The following CNTN5 variants were observed in gnomAD, a reference collection of about 807,000 sequenced individuals.
The protein encoded by CNTN5 is contactin 5.
CNTN5 carries 77 observed loss-of-function variants against 129.1 expected under a neutral mutation model. That is an observed-to-expected ratio of 0.60 (90% CI 0.50 to 0.72). CNTN5 has a LOEUF of 0.72. Ranked by LOEUF, CNTN5 falls within the 30% of genes least tolerant of loss-of-function variation. The pLI is 0.00. For missense variants in CNTN5, 1,478 were observed against 1,328.8 expected (o/e 1.11, Z -1.75); for synonymous variants, 509 against 465.6 (o/e 1.09, Z -1.20).
At chr11:99,872,953 A>G (rs1948540598) in intron 6 of CNTN5, among the ~76,000 whole-genome samples, 1 of 152,148 alleles carries the variant, frequency 6.6e-6, no homozygotes, top group African/African-American at 2.4e-5. Context: ...TGTGGCTGAG[A>G]CTAATAACAT....
chr11:100,323,148 G>A (rs1467380593), intron 21 of CNTN5, among the ~76,000 whole-genome samples: 3 of 152,134 alleles, frequency 2.0e-5, no homozygotes, highest in Non-Finnish European at 4.4e-5. Context: ...CATACCTAAT[G>A]TAACTCTGTC....
At chr11:99,298,889 C>T (rs959988574) in intron 1 of CNTN5, among the ~76,000 whole-genome samples, 13 of 152,220 alleles carry the variant, frequency 8.5e-5, no homozygotes, top group Non-Finnish European at 1.8e-4. Flanking sequence ...ACATTCCAAC[C>T]CTGCAATAAA....
Position 99,689,395 on chromosome 11 carries a change from T to C in CNTN5, c.56-130149T>C, listed in dbSNP as rs188046456. 6.0e-3 allele frequency among the ~76,000 whole-genome samples: 916 copies of C among 151,664 alleles called. 24 individuals carry two copies. The East Asian group carries it at 0.094, about 16-fold the overall frequency. ...ACAAAAAATTAGCTGGGCGTGGTGG[T>C]GGGCGCCTGTAGTCCCAGCTGCTTG... On this transcript the variant is annotated intron_variant, in intron 3 of 24. Coordinates refer to ENST00000524871, the MANE Select transcript of CNTN5 (RefSeq NM_014361.4).
At chr11:99,545,965 C>T (rs1948278333) in intron 2 of CNTN5, among the ~76,000 whole-genome samples, 1 of 151,618 alleles carries the variant, frequency 6.6e-6, no homozygotes, top group African/African-American at 2.4e-5. Flanking sequence ...CTCTTAAATT[C>T]TTCAACAACT....
chr11:99,979,479 C>G (rs1359747902), intron 8 of CNTN5, among the ~76,000 whole-genome samples: 2 of 152,142 alleles, frequency 1.3e-5, no homozygotes, highest in Non-Finnish European at 2.9e-5. Flanking sequence ...AGAAGTAGAA[C>G]ATCCCCAAAC....
At chr11:100,291,227 A>G (rs1040803799) in intron 18 of CNTN5, among the ~76,000 whole-genome samples, 6 of 151,034 alleles carry the variant, frequency 4.0e-5, no homozygotes, top group African/African-American at 1.2e-4. Context: ...AGAACTAGAA[A>G]TACCATTTGA....
chr11:99,727,294 C>CAGAGCG (rs1231703755), intron 3 of CNTN5, among the ~76,000 whole-genome samples: 130 of 50,286 alleles, frequency 2.6e-3, no homozygotes, highest in African/African-American at 8.6e-3. Context: ...GCCTGGGCGA[C>CAGAGCG]AGAGCGAGAC....
At chr11:99,731,440 A>C (rs2060457474) in intron 3 of CNTN5, among the ~76,000 whole-genome samples, 1 of 152,200 alleles carries the variant, frequency 6.6e-6, no homozygotes, top group South Asian at 2.1e-4. Flanking sequence ...GTTAGAAGTC[A>C]AGTGCTATTC....
intron 3 of CNTN5, among the ~76,000 whole-genome samples, chr11:99,803,505 T>G (rs78128705): frequency 0.015 from 2,346 of 152,330 alleles, 29 homozygotes; most frequent in Non-Finnish European, 0.024. Context: ...TTACTGACTT[T>G]GTATGTGCCC....
At chr11:99,521,233 C>A (rs1448530524) in intron 2 of CNTN5, among the ~76,000 whole-genome samples, 1 of 152,100 alleles carries the variant, frequency 6.6e-6, no homozygotes, top group African/African-American at 2.4e-5. Flanking sequence ...AAAGATGTGG[C>A]TGAAGGTTGA....
At chr11:99,896,173 C>G (rs1949200471) in intron 6 of CNTN5, among the ~76,000 whole-genome samples, 1 of 152,148 alleles carries the variant, frequency 6.6e-6, no homozygotes, top group African/African-American at 2.4e-5. Flanking sequence ...GTATGGATGT[C>G]ATAGCTGACA....
rs202136709 is a variant in CNTN5 at position 99,975,168 on chromosome 11, G to GT, written c.877+18169dup. ...GAAATTTAGAGGCAAAGGAGGAAAA[G>GT]TTTTTTTTTTACAAAAAACATAAGA... On this transcript the variant is annotated intron_variant, in intron 8 of 24. Transcript: ENST00000524871. Among the ~76,000 whole-genome samples, 664 of 149,516 alleles carry GT rather than the reference G, an allele frequency of 4.4e-3. 1 individual carries two copies. The highest frequency in any genetic ancestry group is 7.1e-3 in the Non-Finnish European group (475 of 67,088).
intron 3 of CNTN5, among the ~76,000 whole-genome samples, chr11:99,683,011 A>T (rs1953627510): frequency 6.6e-6 from 1 of 151,910 alleles, no homozygotes; most frequent in East Asian, 1.9e-4. Context: ...TATTCTGTTG[A>T]ATTGTCTTAT....
intron 3 of CNTN5, among the ~76,000 whole-genome samples, chr11:99,687,863 G>GA (rs1196203513): frequency 2.0e-5 from 3 of 152,300 alleles, no homozygotes; most frequent in African/African-American, 7.2e-5. Flanking sequence ...CCTGTGACAT[G>GA]ATAGGAATCA....
At chr11:100,004,108 A>T (rs11605832) in intron 9 of CNTN5, 2 of 152,020 alleles carry the variant, frequency 1.3e-5, no homozygotes, top group South Asian at 2.1e-4. Flanking sequence ...CCCACAGCTC[A>T]CTTGAGCTGC....
Position 99,492,174 on chromosome 11 carries a change from G to A in CNTN5, c.-70-63971G>A, listed in dbSNP as rs141884237. 3.4e-3 allele frequency among the ~76,000 whole-genome samples: 513 copies of A among 152,282 alleles called. 1 individual carries two copies. The highest frequency in any genetic ancestry group is 0.011 in the African/African-American group (442 of 41,544). On this transcript the variant is annotated intron_variant, in intron 2 of 24. Coordinates refer to ENST00000524871, the MANE Select transcript of CNTN5 (RefSeq NM_014361.4). The stretch of plus-strand genomic sequence containing the variant: ...CCCATTGTTCAAACATTGCAGGATG[G>A]GTGGGGTGAAGACATGTTGGCTGAC...
chr11:100,317,689 T>C (rs1352171602), intron 21 of CNTN5, among the ~76,000 whole-genome samples: 1 of 152,222 alleles, frequency 6.6e-6, no homozygotes, highest in Non-Finnish European at 1.5e-5. Context: ...GTTTAACCTG[T>C]TCTTTTCTTG....
At chr11:99,977,785 C>T (rs1938086714) in intron 8 of CNTN5, among the ~76,000 whole-genome samples, 1 of 152,140 alleles carries the variant, frequency 6.6e-6, no homozygotes, top group Non-Finnish European at 1.5e-5. Flanking sequence ...TAGGTGGGGG[C>T]ACAGAGCAAA....
intron 18 of CNTN5, among the ~76,000 whole-genome samples, chr11:100,274,470 A>G (rs1215155289): frequency 6.6e-6 from 1 of 152,186 alleles, no homozygotes; most frequent in Non-Finnish European, 1.5e-5. Flanking sequence ...TGCAAACTCT[A>G]TATCTGATAA....
Sources: gnomAD v4.1 joint callset for allele counts (sites outside exome capture counted in the v4.1 genomes callset) on GRCh38, gnomAD v4.1.1 for gene constraint, MANE v1.5 for transcripts, NCBI Gene and HGNC (gene_info 2026-07-23, HGNC 2026-07-21) for gene names.